Variants in MAST1 observed in about 807,000 individuals in gnomAD.
MAST1 encodes microtubule-associated serine/threonine-protein kinase 1.
In MAST1, 40 loss-of-function variants were observed where a neutral mutation model predicts 124.6. The ratio of observed to expected loss-of-function variants is 0.32; its 90% CI spans 0.25 to 0.42. The LOEUF (loss-of-function observed/expected upper bound fraction) is 0.42. Among genes scored for constraint, MAST1 ranks in the 10% least tolerant of loss-of-function variants. The pLI is 1.00. For synonymous variants in MAST1, 938 were observed against 939.4 expected (o/e 1.00, Z 0.03); for missense variants, 1,558 against 2,181.9 (o/e 0.71, Z 5.70).
Position 12,841,084 on chromosome 19 carries a change from A to C in MAST1, c.248+18A>C. On this transcript the variant is annotated intron_variant, in intron 3 of 25. Transcript: ENST00000251472. This position sits in a 1 kb window ranked among gnomAD's most constrained non-coding sequence, Gnocchi z 4.3. ...TCCCGAAGGTGAGTCCCTCCCCTCC[A>C]GGGCCCCAGAACCCTGGGCAGACCC... 1.5e-6 allele frequency: 2 copies of C among 1,349,900 alleles called. No individual in the cohort carries two copies. Among genetic ancestry groups the C allele is most frequent in the Non-Finnish European group, 2.1e-6 (2 of 940,200 alleles). The allele number at this position is 1,349,900 out of a possible 1,614,324, so 83.6% of individuals were successfully genotyped here.
intron 21 of MAST1, 64 bp downstream of exon 21, chr19:12,868,913 G>A: frequency 6.4e-7 from 1 of 1,554,450 alleles, no homozygotes; most frequent in Middle Eastern, 1.7e-4. Context: ...ACAGACCAAT[G>A]AAAATGCTGC....
chr19:12,874,706 T>TGCAGTGCACCCA lies in MAST1; in HGVS notation c.4558_4569dup (p.Pro1520_Ala1523dup), dbSNP rs1456280360. 6.3e-7 allele frequency: 1 copy of TGCAGTGCACCCA among 1,579,868 alleles called. No homozygotes were observed. The highest frequency in any genetic ancestry group is 8.6e-7 in the Non-Finnish European group (1 of 1,157,248). ...GACACCCTCCCTAGCCCCAGCGAAG[T>TGCAGTGCACCCA]GCAGTGCACCCAGCAGTGCAGTGAC... On this transcript the variant is annotated inframe_insertion, in exon 26 of 26. Transcript: ENST00000251472. This position sits in a 1 kb window ranked among gnomAD's most constrained non-coding sequence, Gnocchi z 6.6.
In MAST1 at chr19:12,874,575, C is replaced by G. The variant is rs1049820817; in HGVS notation, c.4418C>G (p.Ala1473Gly). Residue 1473 changes from alanine to glycine, a missense_variant, in exon 26 of 26, where the codon GCC becomes GGC. By Grantham distance (60) the Ala-to-Gly change is moderately conservative. This residue lies in a region of MAST1 where 168 missense variants were observed against 154.3 expected (regional missense o/e 1.09). Transcript: ENST00000251472. This position sits in a 1 kb window ranked among gnomAD's most constrained non-coding sequence, Gnocchi z 6.6. ...CCCCTGGCGCCTTCCGTGCCCGAGG[C>G]CCCCCGGGGCCGGGAGCGCTGGGTG... ...PAPLAPSVPE[A>G]PRGRERWVLE... 9 of 1,505,542 alleles carry G rather than the reference C, an allele frequency of 6.0e-6. No homozygotes were observed. The highest frequency in any genetic ancestry group is 8.0e-6 in the Non-Finnish European group (9 of 1,129,630). 93.3% of individuals were successfully genotyped at this position (1,505,542 alleles called of 1,614,324 possible).
At position 12,858,225 on chromosome 19, in the gene MAST1, A is replaced by G. The variant is rs1425552043; in HGVS notation, c.1078-137A>G. 3.9e-6 allele frequency: 3 copies of G among 769,622 alleles called. No individual in the cohort carries two copies. The African/African-American group carries it at 5.2e-5, about 13-fold the overall frequency. The allele number at this position is 769,622 out of a possible 1,614,324, so 47.7% of individuals were successfully genotyped here. ...GAGTCAGTCTTGGGTTCAAGTCCTAACTTTCTCTTTCATTATGGCACTTGG... is the reference window on the plus strand; with the variant it reads ...GAGTCAGTCTTGGGTTCAAGTCCTAGCTTTCTCTTTCATTATGGCACTTGG... On this transcript the variant is annotated intron_variant, in intron 10 of 25. Transcript: ENST00000251472.
At position 12,843,318 on chromosome 19, in the gene MAST1, G is replaced by A. The variant is rs774802316; in HGVS notation, c.249-211G>A. On this transcript the variant is annotated intron_variant, in intron 3 of 25. Coordinates refer to ENST00000251472, the MANE Select transcript of MAST1 (RefSeq NM_014975.3). The surrounding 1 kb of genome is among the most constrained non-coding windows in gnomAD (Gnocchi z 4.9). ...ATAAGAGAGGGGACCGTGGGGAGGAGAGTGGAGACGGATCCTCCCTCCAAT... is the reference window on the plus strand; with the variant it reads ...ATAAGAGAGGGGACCGTGGGGAGGAAAGTGGAGACGGATCCTCCCTCCAAT... Among the ~76,000 whole-genome samples, 7 of 152,084 alleles carry A rather than the reference G, an allele frequency of 4.6e-5. No homozygotes were observed. Among genetic ancestry groups the A allele is most frequent in the Non-Finnish European group, 1.0e-4 (7 of 68,004 alleles).
chr19:12,858,323 GA>G, intron 10 of MAST1, 38 bp from the exon 11 acceptor site: 1 of 1,517,650 alleles, frequency 6.6e-7, no homozygotes, highest in Non-Finnish European at 9.1e-7. Context: ...CTGCTCTCAT[GA>G]TGATGATGGT....
At chr19:12,849,506 A>G (rs553213816) in intron 7 of MAST1, among the ~76,000 whole-genome samples, 1 of 152,106 alleles carries the variant, frequency 6.6e-6, no homozygotes, top group East Asian at 1.9e-4. Flanking sequence ...TACTAAAAAT[A>G]CAAAAAAGTT....
intron 10 of MAST1, among the ~76,000 whole-genome samples, chr19:12,857,241 G>A (rs1001811478): frequency 6.6e-6 from 1 of 151,788 alleles, no homozygotes; most frequent in Non-Finnish European, 1.5e-5. Context: ...GTGCCATCAT[G>A]CCCAGCTGAT....
chr19:12,872,265 T>C (rs1970245488), intron 24 of MAST1, among the ~76,000 whole-genome samples: 1 of 151,860 alleles, frequency 6.6e-6, no homozygotes, highest in Non-Finnish European at 1.5e-5. Flanking sequence ...TTCTGTTTGT[T>C]TGTTTGTTTT....
chr19:12,858,097 T>C (rs1970038381), intron 10 of MAST1, among the ~76,000 whole-genome samples: 1 of 151,548 alleles, frequency 6.6e-6, no homozygotes, highest in African/African-American at 2.4e-5. Context: ...TAGGCTTTTG[T>C]TATTGATTTT....
chr19:12,849,698 T>C (rs938874791), intron 7 of MAST1, among the ~76,000 whole-genome samples: 3 of 151,882 alleles, frequency 2.0e-5, no homozygotes, highest in African/African-American at 4.8e-5. Context: ...AATAATTAGC[T>C]AGGTGTAGTG....
At chr19:12,873,181 T>A in intron 24 of MAST1, 143 bp from the exon 25 acceptor site, 1 of 766,058 alleles carries the variant, frequency 1.3e-6, no homozygotes, top group Non-Finnish European at 2.1e-6. Flanking sequence ...TAAAGGAAGT[T>A]CTTTATCTTG....
chr19:12,862,627 G>T (rs2145905084), intron 12 of MAST1, among the ~76,000 whole-genome samples: 1 of 151,692 alleles, frequency 6.6e-6, no homozygotes, highest in Admixed American at 6.6e-5. Context: ...CCAGCATGGT[G>T]AAACCCTGTT....
Position 12,852,356 on chromosome 19 carries a change from T to A in MAST1, c.1038T>A (p.Ser346Arg). 6.2e-7 allele frequency: 1 copy of A among 1,613,644 alleles called. No individual in the cohort carries two copies. The highest frequency in any genetic ancestry group is 8.5e-7 in the Non-Finnish European group (1 of 1,179,818). ...TGGTGCATCTGGAGGAACAGGACAG[T>A]GGTGGTTCCAACACCCCTGAGCAAG... ...PDVVHLEEQD[S>R]GGSNTPEQDD... Residue 346 changes from serine (S) to arginine (R), a missense_variant, in exon 10 of 26, where the codon AGT (serine) becomes AGA (arginine). Transcript: ENST00000251472.
At position 12,874,890 on chromosome 19, in the gene MAST1, C is replaced by G. The variant is rs756183513; in HGVS notation, c.*20C>G. ...CCATAGCCAAGGGGGTCATCGGCCC[C>G]GCGCTGTACAGCCTCCGTATACATA... On this transcript the variant is annotated 3_prime_UTR_variant, in exon 26 of 26. Transcript: ENST00000251472. This position sits in a 1 kb window ranked among gnomAD's most constrained non-coding sequence, Gnocchi z 6.6. The G allele has an allele frequency of 1.9e-6, 3 of 1,583,526 alleles. No individual in the cohort carries two copies. The highest frequency in any genetic ancestry group is 2.6e-6 in the Non-Finnish European group (3 of 1,168,982).
chr19:12,868,750 A>T lies in MAST1; in HGVS notation c.2674A>T (p.Met892Leu), dbSNP rs567794050. The change falls in exon 21 of 26, where the codon ATG becomes TTG. Residue 892 changes from methionine to leucine, a missense_variant. Transcript: ENST00000251472. ...TCTGCGCCGGGCGCGGCACCAGCAG[A>T]TGTCAGGGGATGTGGCAGTAGAGAA... ...LVLRRARHQQ[M>L]SGDVAVEKRP... The T allele has an allele frequency of 3.7e-6, 6 of 1,612,788 alleles. No individual in the cohort carries two copies. The South Asian group carries it at 5.5e-5, about 15-fold the overall frequency.
rs1306812262 is a variant in MAST1, at chr19:12,874,122, C to T, written c.3965C>T (p.Ala1322Val). 7.1e-6 allele frequency: 11 copies of T among 1,545,232 alleles called. No homozygotes were observed. Among genetic ancestry groups the T allele is most frequent in the Non-Finnish European group, 9.6e-6 (11 of 1,147,678 alleles). The change falls in exon 26 of 26, where the codon GCG (alanine) becomes GTG (valine). Residue 1322 changes from alanine (A) to valine (V), a missense_variant. By Grantham distance (64) the Ala-to-Val change is moderately conservative. Transcript: ENST00000251472. The surrounding 1 kb of genome is among the most constrained non-coding windows in gnomAD (Gnocchi z 6.6). Reference protein sequence around the residue: ...GETPPVEGLGAPRQVAVRRLG... With the variant: ...GETPPVEGLGVPRQVAVRRLG... ...ACGCCCCCAGTCGAGGGCCTTGGCG[C>T]GCCCCGGCAGGTCGCCGTCCGCCGC...
At chr19:12,864,705 A>T (rs1331542415) in intron 12 of MAST1, 104 bp from the exon 13 acceptor site, 2 of 1,461,596 alleles carry the variant, frequency 1.4e-6, no homozygotes, top group Non-Finnish European at 1.9e-6. Context: ...AGTTTCCCTT[A>T]TCTATAAAAC....
rs377683590 is a variant in MAST1, at chr19:12,865,158, C to T, written c.1618C>T (p.Arg540Ter). ...LYEGHIEKDA[R>*]EFLDKQVCGT... ...TGAAGGCCACATCGAGAAGGACGCC[C>T]GAGAGTTCCTGGACAAACAGGTGTG... The change falls in exon 14 of 26, where the codon CGA (arginine) becomes TGA (stop). Residue 540 changes from arginine to a stop codon, truncating the protein, a stop_gained. Coordinates refer to ENST00000251472, the MANE Select transcript of MAST1 (RefSeq NM_014975.3). LOFTEE classifies it high-confidence loss of function. The surrounding 1 kb of genome is among the most constrained non-coding windows in gnomAD (Gnocchi z 7.1). The T allele has an allele frequency of 6.2e-7, 1 of 1,614,004 alleles. No individual in the cohort carries two copies. Among genetic ancestry groups the T allele is most frequent in the Non-Finnish European group, 8.5e-7 (1 of 1,179,978 alleles).
Sources: allele counts gnomAD v4.1 joint callset (sites outside exome capture counted in the v4.1 genomes callset), GRCh38; gene constraint gnomAD v4.1.1; regional missense constraint gnomAD v4.1.1; non-coding constraint Gnocchi (gnomAD v3.1); transcripts MANE v1.5; gene names NCBI Gene and HGNC (gene_info 2026-07-23, HGNC 2026-07-21).